CP: variants seen among roughly 807,000 people sequenced by gnomAD.
CP encodes ceruloplasmin, also known as caeruloplasmin.
A neutral mutation model predicts 122.4 loss-of-function variants in CP; 64 were observed. The ratio of observed to expected loss-of-function variants is 0.52; its 90% CI spans 0.43 to 0.64. The LOEUF (loss-of-function observed/expected upper bound fraction) is 0.64, where lower values mean the gene tolerates loss of function less well. CP is among the 30% of genes least tolerant of loss of function. The pLI, the probability that CP is intolerant of heterozygous loss-of-function variation, is 0.00. For synonymous variants in CP, 440 were observed against 436.4 expected (o/e 1.01, Z -0.10); for missense variants, 1,167 against 1,284.4 (o/e 0.91, Z 1.40).
At chr3:149,186,447 C>T in intron 11 of CP, 73 bp downstream of exon 11, 1 of 1,401,062 alleles carries the variant, frequency 7.1e-7, no homozygotes, top group Non-Finnish European at 1.0e-6. Context: ...TCACCCAACA[C>T]ATTCTGCTAC....
chr3:149,163,902 G>A (rs1314383446), intron 5 of CP: 1 of 1,582,268 alleles, frequency 6.3e-7, no homozygotes, highest in East Asian at 2.2e-5. Context: ...AATATCATCT[G>A]ATTCTTTAGC....
chr3:149,182,176 A>T, intron 13 of CP, 43 bp from the exon 14 acceptor site: 1 of 1,610,506 alleles, frequency 6.2e-7, no homozygotes, highest in Non-Finnish European at 8.5e-7. Context: ...AGAAGGTCTA[A>T]CTTAGTAATA....
At chr3:149,163,286 G>A (rs1012867464) in intron 5 of CP, among the ~76,000 whole-genome samples, 1 of 152,158 alleles carries the variant, frequency 6.6e-6, no homozygotes, top group Non-Finnish European at 1.5e-5. Context: ...CTGCCTTAGT[G>A]GGCCCCCATT....
At chr3:149,206,414 C>G in intron 5 of CP, 75 bp from the exon 6 acceptor site, 1 of 1,528,598 alleles carries the variant, frequency 6.5e-7, no homozygotes, top group East Asian at 2.3e-5. Context: ...AAACACTGCT[C>G]GGGTGATGAC....
intron 9 of CP, among the ~76,000 whole-genome samples, chr3:149,192,284 A>C (rs1486896238): frequency 6.6e-6 from 1 of 152,090 alleles, no homozygotes; most frequent in Non-Finnish European, 1.5e-5. Flanking sequence ...TGACACTTCA[A>C]ATCAGTGAGT....
rs60815739 is a variant in CP at position 149,188,490 on chromosome 3, CAAAAAAAAAAA to C, written c.1714-299_1714-289del. Reference sequence around the variant, plus strand: ...CATTGTGCATACCAATTGAAGCCTCCAAAAAAAAAAAAAAAAAAAAAAAAAAAAAGTTAAAA... The same window carrying C: ...CATTGTGCATACCAATTGAAGCCTCCAAAAAAAAAAAAAAAAAAGTTAAAA... On this transcript the variant is annotated intron_variant, in intron 9 of 18. Coordinates refer to ENST00000264613, the MANE Select transcript of CP (RefSeq NM_000096.4). 7.6e-4 allele frequency among the ~76,000 whole-genome samples: 35 copies of C among 46,108 alleles called. No individual in the cohort carries two copies. The East Asian group carries it at 0.032, about 42-fold the overall frequency. 30.2% of individuals were successfully genotyped at this position (46,108 alleles called of 152,430 possible).
At position 149,210,161 on chromosome 3, in the gene CP, A is replaced by T. The variant is rs764302708; in HGVS notation, c.607+6T>A. 3.1e-6 allele frequency: 5 copies of T among 1,613,388 alleles called. No individual in the cohort carries two copies. The highest frequency in any genetic ancestry group is 4.2e-6 in the Non-Finnish European group (5 of 1,179,508). The stretch of plus-strand genomic sequence containing the variant: ...ATATAGCATGTGCAATAAGGAGAAG[A>T]TGTACCTTTTTTACAGATTATTAAA... On this transcript the variant is annotated splice_donor_region_variant and intron_variant, in intron 3 of 18. Transcript: ENST00000264613.
Position 149,199,725 on chromosome 3 carries a change from G to T in CP, c.1488C>A (p.Asn496Lys). 3 of 1,614,056 alleles carry T rather than the reference G, an allele frequency of 1.9e-6. No homozygotes were observed. The highest frequency in any genetic ancestry group is 2.5e-6 in the Non-Finnish European group (3 of 1,179,994). ...NEGTYYSPNY[N>K]PQSRSVPPSA... The stretch of plus-strand genomic sequence containing the variant: ...CTGTATACTCACTTCTGCTCTGGGG[G>T]TTGTAATTTGGGGAATAGTATGTGC... Residue 496 changes from asparagine to lysine, a missense_variant, in exon 8 of 19, where the codon AAC (asparagine) becomes AAA (lysine). By Grantham distance (94) the Asn-to-Lys change is moderately conservative. Coordinates refer to ENST00000264613, the MANE Select transcript of CP (RefSeq NM_000096.4).
intron 1 of CP, among the ~76,000 whole-genome samples, chr3:149,220,386 A>G (rs1728727436): frequency 1.3e-5 from 2 of 152,098 alleles, no homozygotes; most frequent in African/African-American, 4.8e-5. Flanking sequence ...AATTTATATT[A>G]TATTTAATCA....
intron 12 of CP, 139 bp downstream of exon 12, chr3:149,185,100 T>G (rs1183708315): frequency 1.5e-5 from 11 of 757,440 alleles, no homozygotes; most frequent in Admixed American, 2.2e-5. Context: ...CTAGGAAGTG[T>G]TTTGTTGTTG....
At chr3:149,203,612 TGG>T (rs1727499329) in intron 6 of CP, among the ~76,000 whole-genome samples, 1 of 152,226 alleles carries the variant, frequency 6.6e-6, no homozygotes, top group African/African-American at 2.4e-5. Flanking sequence ...GCAACAAAGT[TGG>T]TATTATTCTC....
intron 7 of CP, among the ~76,000 whole-genome samples, chr3:149,200,690 T>C (rs369421214): frequency 6.6e-6 from 1 of 151,426 alleles, no homozygotes; most frequent in Non-Finnish European, 1.5e-5. Context: ...TTTTTTTTTT[T>C]AGTAGAGATG....
At chr3:149,192,033 T>C (rs1030699816) in intron 9 of CP, among the ~76,000 whole-genome samples, 5 of 152,096 alleles carry the variant, frequency 3.3e-5, no homozygotes, top group African/African-American at 1.2e-4. Context: ...AGTTTTTTAG[T>C]TTAACAAAAT....
At position 149,221,532 on chromosome 3, in the gene CP, C is replaced by T. The variant is rs565446222; in HGVS notation, c.146+115G>A. The T allele has an allele frequency of 5.1e-5, 47 of 923,410 alleles. No homozygotes were observed. The African/African-American group carries it at 7.1e-4, about 14-fold the overall frequency. The allele number at this position is 923,410 out of a possible 1,614,324, so 57.2% of individuals were successfully genotyped here. ...GATTCAAGTGTCTTGGGTTTCAAGC[C>T]CACATTTTGCAGTTTCTGTATATAA... is the stretch of plus-strand genomic sequence containing the variant. On this transcript the variant is annotated intron_variant, in intron 1 of 18. Coordinates refer to ENST00000264613, the MANE Select transcript of CP (RefSeq NM_000096.4).
chr3:149,179,526 G>A, intron 15 of CP, 30 bp downstream of exon 15: 1 of 1,492,656 alleles, frequency 6.7e-7, no homozygotes, highest in Non-Finnish European at 9.3e-7. Flanking sequence ...ATTTTGGGAA[G>A]TGTCACAAAA....
intron 1 of CP, among the ~76,000 whole-genome samples, chr3:149,220,007 T>A (rs542869713): frequency 1.3e-5 from 2 of 152,328 alleles, no homozygotes; most frequent in East Asian, 3.9e-4. Context: ...CTTGAGTATG[T>A]CTCTATTAGC....
intron 9 of CP, among the ~76,000 whole-genome samples, chr3:149,197,208 A>G (rs567348431): frequency 2.2e-4 from 33 of 152,328 alleles, no homozygotes; most frequent in Non-Finnish European, 3.7e-4. Flanking sequence ...ATAAACAGCC[A>G]TGTTGCTCAC....
At chr3:149,211,553 T>C (rs1225762822) in intron 2 of CP, among the ~76,000 whole-genome samples, 1 of 152,254 alleles carries the variant, frequency 6.6e-6, no homozygotes, top group East Asian at 1.9e-4. Context: ...TTTCAGGTAC[T>C]ATTTTCAAGG....
intron 9 of CP, among the ~76,000 whole-genome samples, chr3:149,190,393 C>G (rs1367863423): frequency 3.9e-5 from 6 of 152,210 alleles, no homozygotes; most frequent in African/African-American, 1.4e-4. Flanking sequence ...TGCGGTGGCT[C>G]ACACTTGTAA....
Sources: allele counts gnomAD v4.1 joint callset (sites outside exome capture counted in the v4.1 genomes callset), GRCh38; gene constraint gnomAD v4.1.1; transcripts MANE v1.5; gene names NCBI Gene and HGNC (gene_info 2026-07-23, HGNC 2026-07-21).